Variants in HTRA2 observed in about 807,000 individuals in gnomAD.
The protein encoded by HTRA2 is HtrA serine peptidase 2.
HTRA2 carries 24 observed loss-of-function variants against 42.2 expected under a neutral mutation model. The observed-to-expected ratio is 0.57, with a 90% CI of 0.41 to 0.80. The LOEUF is 0.80. Ranked by LOEUF, HTRA2 falls within the 30% of genes least tolerant of loss-of-function variation. The pLI is 0.00. For synonymous variants in HTRA2, 245 were observed against 255.8 expected, an observed-to-expected ratio of 0.96 and a Z score of 0.40; for missense variants, 466 against 613.5, an observed-to-expected ratio of 0.76 and a Z score of 2.54.
rs755545814 is a variant in HTRA2 at position 74,531,867 on chromosome 2, G to A, written c.1057G>A (p.Gly353Arg). 2.3e-5 allele frequency: 37 copies of A among 1,613,906 alleles called. No individual in the cohort carries two copies. Among genetic ancestry groups the A allele is most frequent in the East Asian group, 8.9e-5 (4 of 44,900 alleles). The change falls in exon 6 of 8, where the codon GGA becomes AGA. Residue 353 changes from glycine (G) to arginine (R), a missense_variant. Around this residue, in one of 3 missense-constraint regions of HTRA2, gnomAD observed 129 missense variants for 163.1 expected, o/e 0.79. Coordinates refer to ENST00000258080, the MANE Select transcript of HTRA2 (RefSeq NM_013247.5). ...HRGEKKNSSS[G>R]ISGSQRRYIG... ...TCCCTCTGTCACAGATTCCTCCTCC[G>A]GAATCAGTGGGTCCCAGCGGCGCTA...
At chr2:74,531,973 A>AG (rs1459335438) in intron 6 of HTRA2, 48 bp downstream of exon 6, 1 of 1,539,710 alleles carries the variant, frequency 6.5e-7, no homozygotes, top group Non-Finnish European at 9.0e-7. Context: ...GTGTAATCAG[A>AG]GGGGGGCACC....
chr2:74,530,728 C>G lies in HTRA2; in HGVS notation c.618C>G (p.Val206=), dbSNP rs186272815. 49 of 1,614,202 alleles carry G rather than the reference C, an allele frequency of 3.0e-5. No individual in the cohort carries two copies. Among genetic ancestry groups the G allele is most frequent in the Middle Eastern group, 3.3e-4 (2 of 6,062 alleles). ...NAHVVADRRR[V]RVRLLSGDTY... is the part of the protein sequence containing the mutation. ...ATGTGGTGGCTGATCGGCGCAGAGT[C>G]CGTGTGAGACTGCTAAGCGGCGACA... The change falls in exon 2 of 8, where the codon GTC becomes GTG. Residue 206 remains valine, a synonymous_variant. Coordinates refer to ENST00000258080, the MANE Select transcript of HTRA2 (RefSeq NM_013247.5). The surrounding 1 kb of genome is among the most constrained non-coding windows in gnomAD (Gnocchi z 7.4).
Position 74,531,350 on chromosome 2 carries a change from T to A in HTRA2, c.918T>A (p.Ser306=), listed in dbSNP as rs1450621471. ...QTDAAIDFGN[S]GGPLVNLDGE... ...TCCTTGTCCTACAGTTTGGAAACTC[T>A]GGAGGTCCCCTGGTTAACCTGGTGA... Residue 306 remains serine (S), a synonymous_variant, in exon 4 of 8, where the codon TCT becomes TCA. Coordinates refer to ENST00000258080, the MANE Select transcript of HTRA2 (RefSeq NM_013247.5). The A allele has an allele frequency of 3.7e-6, 6 of 1,614,172 alleles. No homozygotes were observed. The South Asian group carries it at 5.5e-5, about 15-fold the overall frequency.
chr2:74,530,399 C>T lies in HTRA2; in HGVS notation c.393C>T (p.Val131=). ...GCGGGGGTCGGGGTCCTCCGGCCGT[C>T]CTCGCCGCCGTCCCTAGCCCGCCGC... ...LWGGGRGPPA[V]LAAVPSPPPA... Residue 131 remains valine (V), a synonymous_variant, in exon 1 of 8, where the codon GTC becomes GTT. Transcript: ENST00000258080. This position sits in a 1 kb window ranked among gnomAD's most constrained non-coding sequence, Gnocchi z 7.4. 1 of 1,595,478 alleles carries T rather than the reference C, an allele frequency of 6.3e-7. No homozygotes were observed. The highest frequency in any genetic ancestry group is 8.5e-7 in the Non-Finnish European group (1 of 1,173,994).
rs1408722448 is a variant in HTRA2, at chr2:74,532,704, C to T, written c.1201C>T (p.Pro401Ser). 1 of 1,613,740 alleles carries T rather than the reference C, an allele frequency of 6.2e-7. No individual in the cohort carries two copies. The change falls in exon 7 of 8, where the codon CCT (proline) becomes TCT (serine). Residue 401 changes from proline to serine, a missense_variant. By Grantham distance (74) the Pro-to-Ser change is moderately conservative (BLOSUM62 -1). Around this residue, in one of 3 missense-constraint regions of HTRA2, gnomAD observed 129 missense variants for 163.1 expected, o/e 0.79. Coordinates refer to ENST00000258080, the MANE Select transcript of HTRA2 (RefSeq NM_013247.5). The stretch of plus-strand genomic sequence containing the variant: ...CATCCATAAAGTCATCCTGGGCTCC[C>T]CTGCACACCGGTGAGGGAGAGGCTG... ...VLIHKVILGS[P>S]AHRAGLRPGD... is the part of the protein sequence containing the mutation.
upstream of HTRA2, chr2:74,529,879 C>A: frequency 7.0e-7 from 1 of 1,433,086 alleles, no homozygotes; most frequent in South Asian, 1.5e-5. Context: ...CTCCCGGAAT[C>A]CTGGTCCCGG....
rs754451039 is a variant in HTRA2 at position 74,530,599 on chromosome 2, G to A, written c.507-18G>A. On this transcript the variant is annotated intron_variant, in intron 1 of 7. Coordinates refer to ENST00000258080, the MANE Select transcript of HTRA2 (RefSeq NM_013247.5). This position sits in a 1 kb window ranked among gnomAD's most constrained non-coding sequence, Gnocchi z 7.4. ...GGGGTCAGAGCCTCCTCTTATCTGT[G>A]CTTTCCCTCCATTTCAGGCACCCTT... 1.9e-6 allele frequency: 3 copies of A among 1,613,862 alleles called. No individual in the cohort carries two copies. The Admixed American group carries it at 5.0e-5, about 27-fold the overall frequency.
upstream of HTRA2, chr2:74,529,785 C>T: frequency 2.8e-6 from 4 of 1,450,652 alleles, no homozygotes; most frequent in African/African-American, 2.9e-5. Context: ...TCCCAGCATA[C>T]CCCGCGGCCC....
At chr2:74,532,042 A>C (rs1394493079) in intron 6 of HTRA2, 117 bp downstream of exon 6, 2 of 987,274 alleles carry the variant, frequency 2.0e-6, no homozygotes, top group East Asian at 2.6e-5. Flanking sequence ...TCACACTTGA[A>C]ATAATCACAA....
Position 74,530,806 on chromosome 2 carries a change from G to A in HTRA2, c.696G>A (p.Leu232=). 6.2e-7 allele frequency: 1 copy of A among 1,614,206 alleles called. No homozygotes were observed. The highest frequency in any genetic ancestry group is 8.5e-7 in the Non-Finnish European group (1 of 1,180,046). Residue 232 remains leucine (L), a synonymous_variant, in exon 2 of 8, where the codon CTG becomes CTA. Transcript: ENST00000258080. The surrounding 1 kb of genome is among the most constrained non-coding windows in gnomAD (Gnocchi z 7.4). ...AVDPVADIAT[L]RIQTKEPLPT... is the part of the protein sequence containing the mutation. ...ATCCCGTGGCAGACATCGCAACGCT[G>A]AGGATTCAGACTAAGGTGGGGGCTG... is the stretch of plus-strand genomic sequence containing the variant.
Position 74,529,955 on chromosome 2 carries a change from C to T in HTRA2, c.-52C>T. 2 of 1,499,236 alleles carry T rather than the reference C, an allele frequency of 1.3e-6. No homozygotes were observed. The highest frequency in any genetic ancestry group is 2.8e-5 in the African/African-American group (2 of 71,552). 92.9% of individuals were successfully genotyped at this position (1,499,236 alleles called of 1,614,324 possible). A position where few individuals can be genotyped will look rare whatever the true frequency, so the allele number is the denominator to read the frequency against. ...GTCCTACTGTCCGCCTGCTCGCGTC[C>T]TGGGTGCCGCCTCTGAGTAGGGCGG... On this transcript the variant is annotated 5_prime_UTR_variant, in exon 1 of 8. Transcript: ENST00000258080.
At position 74,530,881 on chromosome 2, in the gene HTRA2, G is replaced by A; in HGVS notation, c.712-30G>A. The A allele has an allele frequency of 6.2e-7, 1 of 1,614,172 alleles. No individual in the cohort carries two copies. The highest frequency in any genetic ancestry group is 8.5e-7 in the Non-Finnish European group (1 of 1,180,042). On this transcript the variant is annotated intron_variant, in intron 2 of 7. Transcript: ENST00000258080. This position sits in a 1 kb window ranked among gnomAD's most constrained non-coding sequence, Gnocchi z 7.4. ...TGCTTATTTGCTCGCATCTTCAGAT[G>A]ACAGGTCTCTTTTACCCATTCTCCC...
Position 74,531,122 on chromosome 2 carries a change from G to T in HTRA2, c.906+17G>T. On this transcript the variant is annotated intron_variant, in intron 3 of 7. Transcript: ENST00000258080. ...GCTATTGATGTGCGTCCTGATAGGA[G>T]AGAAATGACAAATGATGGGGGAGGG... The T allele has an allele frequency of 6.2e-7, 1 of 1,613,552 alleles. No homozygotes were observed. Among genetic ancestry groups the T allele is most frequent in the South Asian group, 1.1e-5 (1 of 91,074 alleles).
intron 6 of HTRA2, chr2:74,532,297 T>G (rs1458472361): frequency 6.3e-6 from 3 of 476,692 alleles, no homozygotes; most frequent in African/African-American, 5.9e-5. Context: ...TGTTCTTGTT[T>G]TATATGGTTA....
intron 6 of HTRA2, 169 bp from the exon 7 acceptor site, chr2:74,532,450 G>A: frequency 4.5e-6 from 3 of 673,452 alleles, no homozygotes; most frequent in Non-Finnish European, 8.2e-6. Flanking sequence ...TTATGTACAT[G>A]TTGCACTTTA....
In HTRA2 at chr2:74,531,925, G is replaced by T. The variant is rs1283590385; in HGVS notation, c.1115G>T (p.Ser372Ile). 1 of 1,613,952 alleles carries T rather than the reference G, an allele frequency of 6.2e-7. No individual in the cohort carries two copies. The highest frequency in any genetic ancestry group is 8.5e-7 in the Non-Finnish European group (1 of 1,179,980). ...GTGATGATGCTGACCCTGAGTCCCA[G>T]GTATGAGCTTTAGGGACAGTGACAT... The part of the protein sequence containing the change: ...IGVMMLTLSP[S>I]ILAELQLREP... Residue 372 changes from serine to isoleucine, a missense_variant and splice_region_variant, in exon 6 of 8, where the codon AGC becomes ATC. Ser to Ile is a moderately radical substitution (Grantham distance 142). This residue lies in a region of HTRA2 where 129 missense variants were observed against 163.1 expected (regional missense o/e 0.79). Coordinates refer to ENST00000258080, the MANE Select transcript of HTRA2 (RefSeq NM_013247.5).
rs1273483097 is a variant in HTRA2 at position 74,532,728 on chromosome 2, T to A, written c.1211+14T>A. On this transcript the variant is annotated intron_variant, in intron 7 of 7. Transcript: ENST00000258080. ...CCCTGCACACCGGTGAGGGAGAGGC[T>A]GCAGTGTGATATGGGGATGGGCAAG... 2.5e-6 allele frequency: 4 copies of A among 1,612,744 alleles called. No homozygotes were observed. Among genetic ancestry groups the A allele is most frequent in the African/African-American group, 1.3e-5 (1 of 74,876 alleles).
chr2:74,533,508 G>T (rs1675777934), downstream of HTRA2: 2 of 1,027,024 alleles, frequency 1.9e-6, no homozygotes, highest in South Asian at 2.8e-5. Context: ...TGATGAGTGC[G>T]GTTGCTGACA....
At chr2:74,529,443 A>C, upstream of HTRA2, 2 of 1,572,512 alleles carry the variant, frequency 1.3e-6, no homozygotes, top group Non-Finnish European at 8.6e-7. Context: ...GAGGAGGCAG[A>C]ACCCGACTGG....
Sources: allele counts gnomAD v4.1 joint callset, GRCh38; gene constraint gnomAD v4.1.1; regional missense constraint gnomAD v4.1.1; non-coding constraint Gnocchi (gnomAD v3.1); transcripts MANE v1.5; gene names NCBI Gene and HGNC (gene_info 2026-07-23, HGNC 2026-07-21).